Variants in PPP2R2A observed in about 807,000 individuals in gnomAD.
The protein encoded by PPP2R2A is protein phosphatase 2 regulatory subunit Balpha.
PPP2R2A carries 9 observed loss-of-function variants against 53.2 expected under a neutral mutation model. The ratio of observed to expected loss-of-function variants is 0.17; its 90% CI spans 0.10 to 0.30. PPP2R2A has a LOEUF of 0.30. Ranked by LOEUF, PPP2R2A falls within the 10% of genes least tolerant of loss-of-function variation. PPP2R2A has a pLI of 1.00. For missense variants in PPP2R2A, 235 were observed against 534.6 expected, an observed-to-expected ratio of 0.44 and a Z score of 5.53; for synonymous variants, 169 against 174.2, an observed-to-expected ratio of 0.97 and a Z score of 0.23.
rs554099395 is a variant in PPP2R2A at position 26,309,160 on chromosome 8, C to T, written c.82+15420C>T. ...ACAGGAGTGAGCCACCATGCGCAGCCTATATTTCTTTAATAATGCTAACAA... is the reference window on the plus strand; with the variant it reads ...ACAGGAGTGAGCCACCATGCGCAGCTTATATTTCTTTAATAATGCTAACAA... On this transcript the variant is annotated intron_variant, in intron 2 of 9. Transcript: ENST00000380737. 1.8e-3 allele frequency among the ~76,000 whole-genome samples: 277 copies of T among 152,290 alleles called. 7 individuals are homozygous for T. In the South Asian group the frequency reaches 0.056, roughly 31 times the overall value.
At position 26,363,964 on chromosome 8, in the gene PPP2R2A, C is replaced by T. The variant is rs74731529; in HGVS notation, c.972+74C>T. ...GTGTTTATAGAGAAGGATTTTGTTACTAGGTTTTAATCCCTGTATGGTGTT... is the reference window on the plus strand; with the variant it reads ...GTGTTTATAGAGAAGGATTTTGTTATTAGGTTTTAATCCCTGTATGGTGTT... On this transcript the variant is annotated intron_variant, in intron 8 of 9. Transcript: ENST00000380737. 7 of 1,353,724 alleles carry T rather than the reference C, an allele frequency of 5.2e-6. No homozygotes were observed. In the East Asian group the frequency reaches 1.4e-4, roughly 27 times the overall value. The allele number at this position is 1,353,724 out of a possible 1,614,324, so 83.9% of individuals were successfully genotyped here.
intron 2 of PPP2R2A, among the ~76,000 whole-genome samples, chr8:26,333,724 T>A (rs1026875950): frequency 6.6e-6 from 1 of 152,200 alleles, no homozygotes; most frequent in Admixed American, 6.5e-5. Flanking sequence ...ATGTGTTCTA[T>A]TGTGTTTCTT....
At chr8:26,336,331 A>G (rs954983747) in intron 2 of PPP2R2A, among the ~76,000 whole-genome samples, 3 of 152,084 alleles carry the variant, frequency 2.0e-5, no homozygotes, top group African/African-American at 7.2e-5. Flanking sequence ...TGGGGAGCTG[A>G]TATGGGAAGA....
intron 2 of PPP2R2A, among the ~76,000 whole-genome samples, chr8:26,305,404 T>C (rs2117214452): frequency 6.6e-6 from 1 of 152,340 alleles, no homozygotes; most frequent in Non-Finnish European, 1.5e-5. Flanking sequence ...GTAGGTACTT[T>C]CTGTAATTAA....
intron 8 of PPP2R2A, 133 bp downstream of exon 8, chr8:26,364,023 A>T (rs373504630): frequency 1.3e-5 from 9 of 714,182 alleles, no homozygotes; most frequent in African/African-American, 1.2e-4. Flanking sequence ...TCAGAGATCT[A>T]TGAGTATGTT....
intron 2 of PPP2R2A, among the ~76,000 whole-genome samples, chr8:26,301,663 A>G (rs1801795519): frequency 6.6e-6 from 1 of 152,058 alleles, no homozygotes; most frequent in African/African-American, 2.4e-5. Context: ...ACATATGTGC[A>G]TTTCTCTGGT....
intron 2 of PPP2R2A, among the ~76,000 whole-genome samples, chr8:26,294,076 G>A (rs1475838425): frequency 6.6e-6 from 1 of 152,106 alleles, no homozygotes; most frequent in Non-Finnish European, 1.5e-5. Flanking sequence ...GCATTTTTAT[G>A]TTTGTACATT....
intron 3 of PPP2R2A, among the ~76,000 whole-genome samples, chr8:26,342,618 G>A (rs954703793): frequency 2.0e-5 from 3 of 152,268 alleles, no homozygotes; most frequent in Admixed American, 2.0e-4. Context: ...TAAGACAGAA[G>A]GTGAGGAGGG....
chr8:26,370,071 A>AT lies in PPP2R2A; in HGVS notation c.1065-59dup. ...CTTCCTATGGTTTAATTGCCGAATC[A>AT]TTTTACTTGAAAACAATTTCTTGTT... is the stretch of plus-strand genomic sequence containing the variant. On this transcript the variant is annotated intron_variant, in intron 9 of 9. Coordinates refer to ENST00000380737, the MANE Select transcript of PPP2R2A (RefSeq NM_002717.4). This position sits in a 1 kb window ranked among gnomAD's most constrained non-coding sequence, Gnocchi z 6.1. The AT allele has an allele frequency of 6.5e-7, 1 of 1,530,830 alleles. No homozygotes were observed. Among genetic ancestry groups the AT allele is most frequent in the Admixed American group, 1.8e-5 (1 of 54,788 alleles). 94.8% of individuals were successfully genotyped at this position (1,530,830 alleles called of 1,614,324 possible).
rs555350033 is a variant in PPP2R2A, at chr8:26,336,934, A to C, written c.83-1956A>C. Among the ~76,000 whole-genome samples, 7 of 151,736 alleles carry C rather than the reference A, an allele frequency of 4.6e-5. No homozygotes were observed. The South Asian group carries it at 1.2e-3, about 27-fold the overall frequency. ...ACCTACCTGTCTAACTTTACTGCTT[A>C]GCAGAGAGTGTAGTCAGGCTAGTCA... On this transcript the variant is annotated intron_variant, in intron 2 of 9. Transcript: ENST00000380737.
chr8:26,330,193 CTG>C (rs1042521922), intron 2 of PPP2R2A, among the ~76,000 whole-genome samples: 5 of 151,990 alleles, frequency 3.3e-5, no homozygotes, highest in African/African-American at 1.2e-4. Flanking sequence ...GTATTTAAAT[CTG>C]TTAGTCTTAT....
At chr8:26,293,899 C>T (rs532522672) in intron 2 of PPP2R2A, 159 bp downstream of exon 2, 5 of 640,734 alleles carry the variant, frequency 7.8e-6, no homozygotes, top group East Asian at 2.9e-5. Flanking sequence ...TGAAAAACAG[C>T]CTTAAATTTC....
intron 2 of PPP2R2A, among the ~76,000 whole-genome samples, chr8:26,322,621 T>G (rs2117271003): frequency 6.6e-6 from 1 of 151,940 alleles, no homozygotes; most frequent in South Asian, 2.1e-4. Context: ...TACACCCAGC[T>G]GAGTAGTTAG....
chr8:26,360,206 C>G lies in PPP2R2A; in HGVS notation c.384C>G (p.Asp128Glu). ...TIKLWKISER[D>E]KRPEGYNLKE... ...AATTATGGAAAATCAGTGAAAGGGA[C>G]AAAAGACCAGAAGGGTATAACTTGA... is the stretch of plus-strand genomic sequence containing the variant. Residue 128 changes from aspartate to glutamate, a missense_variant, in exon 5 of 10, where the codon GAC (aspartate) becomes GAG (glutamate). This residue lies in a region of PPP2R2A where 181 missense variants were observed against 409.9 expected (regional missense o/e 0.44). Transcript: ENST00000380737. The surrounding 1 kb of genome is among the most constrained non-coding windows in gnomAD (Gnocchi z 4.5). 1 of 1,608,094 alleles carries G rather than the reference C, an allele frequency of 6.2e-7. No individual in the cohort carries two copies. The highest frequency in any genetic ancestry group is 8.5e-7 in the Non-Finnish European group (1 of 1,176,106).
chr8:26,365,597 G>A (rs1805331400), intron 8 of PPP2R2A: 2 of 151,960 alleles, frequency 1.3e-5, no homozygotes, highest in Non-Finnish European at 2.9e-5. Flanking sequence ...CAAATACTTT[G>A]GAACTTTTGT....
intron 2 of PPP2R2A, among the ~76,000 whole-genome samples, chr8:26,329,618 C>A: frequency 6.6e-6 from 1 of 152,142 alleles, no homozygotes; most frequent in East Asian, 1.9e-4. Flanking sequence ...TGGCAGTTAG[C>A]AGGACAGTTT....
chr8:26,355,153 C>T (rs532747943), intron 4 of PPP2R2A, among the ~76,000 whole-genome samples: 19 of 152,284 alleles, frequency 1.2e-4, no homozygotes, highest in Admixed American at 2.0e-4. Flanking sequence ...TTCCAGGATA[C>T]GCTATAGGAG....
intron 2 of PPP2R2A, among the ~76,000 whole-genome samples, chr8:26,336,737 C>T (rs1803681796): frequency 6.6e-6 from 1 of 151,822 alleles, no homozygotes; most frequent in South Asian, 2.1e-4. Flanking sequence ...AAAAATTAGC[C>T]AGGTATGGTG....
At chr8:26,316,954 A>G (rs1802588765) in intron 2 of PPP2R2A, among the ~76,000 whole-genome samples, 1 of 152,234 alleles carries the variant, frequency 6.6e-6, no homozygotes, top group Non-Finnish European at 1.5e-5. Flanking sequence ...TCAGTTACTG[A>G]TTGCAGGGCA....
Sources: gnomAD v4.1 joint callset for allele counts (sites outside exome capture counted in the v4.1 genomes callset) on GRCh38, gnomAD v4.1.1 for gene constraint, gnomAD v4.1.1 regional missense constraint, Gnocchi (gnomAD v3.1) non-coding constraint, MANE v1.5 for transcripts, NCBI Gene and HGNC (gene_info 2026-07-23, HGNC 2026-07-21) for gene names.